The following ASPH variants were observed in gnomAD, a reference collection of about 807,000 sequenced individuals.
The protein encoded by ASPH is aspartate beta-hydroxylase.
In ASPH, 100 loss-of-function variants were observed where a neutral mutation model predicts 118.4. That is an observed-to-expected ratio of 0.84 (90% CI 0.72 to 1.00). The LOEUF is 1.00. Ranked by LOEUF, ASPH falls within the 50% of genes least tolerant of loss-of-function variation. The pLI, the probability that ASPH is intolerant of heterozygous loss-of-function variation, is 0.00. For synonymous variants in ASPH, 315 were observed against 325.6 expected (o/e 0.97, Z 0.35); for missense variants, 920 against 919.5 (o/e 1.00, Z -0.01).
At chr8:61,660,223 C>T (rs1816102683) in intron 3 of ASPH, 1 of 152,060 alleles carries the variant, frequency 6.6e-6, no homozygotes, top group South Asian at 2.1e-4. Flanking sequence ...ATGTTTAGCT[C>T]CACAGCTTCT....
At chr8:61,525,779 T>C (rs1159422428) in intron 22 of ASPH, among the ~76,000 whole-genome samples, 198 bp downstream of exon 22, 1 of 152,202 alleles carries the variant, frequency 6.6e-6, no homozygotes, top group East Asian at 1.9e-4. Context: ...CACAGCAATA[T>C]ACCTGGACAC....
Position 61,502,530 on chromosome 8 carries a change from T to C in ASPH, c.*829A>G, listed in dbSNP as rs1805116336. The C allele has an allele frequency of 6.6e-6, 1 of 152,322 alleles. No individual in the cohort carries two copies. Among genetic ancestry groups the C allele is most frequent in the Non-Finnish European group, 1.5e-5 (1 of 68,034 alleles). 9.4% of individuals were successfully genotyped at this position (152,322 alleles called of 1,614,324 possible). A position where few individuals can be genotyped will look rare whatever the true frequency, so the allele number is the denominator to read the frequency against. ...AGAACATAGTTTTATTTCCGTGAACTATACTTTTTCCCCAGAAGCTCTAAT... is the reference window on the plus strand; with the variant it reads ...AGAACATAGTTTTATTTCCGTGAACCATACTTTTTCCCCAGAAGCTCTAAT... On this transcript the variant is annotated 3_prime_UTR_variant, in exon 25 of 25. Coordinates refer to ENST00000379454, the MANE Select transcript of ASPH (RefSeq NM_004318.4).
chr8:61,524,138 C>A (rs571248594), intron 22 of ASPH, among the ~76,000 whole-genome samples: 2 of 152,304 alleles, frequency 1.3e-5, no homozygotes, highest in East Asian at 1.9e-4. Context: ...CTCAATCACA[C>A]ACAGGCACAT....
intron 4 of ASPH, among the ~76,000 whole-genome samples, chr8:61,652,949 C>G (rs1327941921): frequency 6.6e-6 from 1 of 152,182 alleles, no homozygotes; most frequent in African/African-American, 2.4e-5. Flanking sequence ...TAGTGTCATT[C>G]CTTAAACTTT....
At chr8:61,556,336 T>A (rs1444059640) in intron 18 of ASPH, among the ~76,000 whole-genome samples, 1 of 152,238 alleles carries the variant, frequency 6.6e-6, no homozygotes, top group Non-Finnish European at 1.5e-5. Flanking sequence ...TATCTCTCAA[T>A]TGATATGACT....
At position 61,562,873 on chromosome 8, in the gene ASPH, C is replaced by A; in HGVS notation, c.1308G>T (p.Met436Ile). 6.3e-7 allele frequency: 1 copy of A among 1,595,594 alleles called. No homozygotes were observed. Among genetic ancestry groups the A allele is most frequent in the South Asian group, 1.1e-5 (1 of 87,024 alleles). The change falls in exon 18 of 25, where the codon ATG becomes ATT. Residue 436 changes from methionine (M) to isoleucine (I), a missense_variant. By Grantham distance (10) the Met-to-Ile change is conservative. Transcript: ENST00000379454. ...TCTGCAGGGTAAGCAGGGAACCTCT[C>A]ATATGACCTGAGTAGGTGGGAATTT... ...RSDRQQFLGH[M>I]RGSLLTLQRL...
At chr8:61,588,689 C>A (rs1840193690) in intron 14 of ASPH, among the ~76,000 whole-genome samples, 1 of 152,118 alleles carries the variant, frequency 6.6e-6, no homozygotes. Context: ...GAAAATACAC[C>A]CATAGATCCC....
chr8:61,620,967 G>A (rs563266241), intron 13 of ASPH, among the ~76,000 whole-genome samples: 8 of 152,334 alleles, frequency 5.3e-5, no homozygotes, highest in East Asian at 1.9e-4. Flanking sequence ...TGCTGATCCC[G>A]ATGTGGGAGG....
chr8:61,580,739 T>C (rs1313569603), intron 15 of ASPH, among the ~76,000 whole-genome samples: 2 of 152,240 alleles, frequency 1.3e-5, no homozygotes, highest in African/African-American at 4.8e-5. Flanking sequence ...CTGTATGTGC[T>C]ACTTTTTATT....
chr8:61,700,597 A>G (rs1835006880), intron 1 of ASPH, among the ~76,000 whole-genome samples: 1 of 152,086 alleles, frequency 6.6e-6, no homozygotes, highest in South Asian at 2.1e-4. Flanking sequence ...GTGCTTCCAT[A>G]TGTCGGGCTC....
intron 3 of ASPH, among the ~76,000 whole-genome samples, chr8:61,666,252 G>A (rs1260074782): frequency 2.0e-5 from 3 of 152,104 alleles, no homozygotes; most frequent in Non-Finnish European, 4.4e-5. Context: ...GTTAATTCAT[G>A]TAGAGCAACT....
chr8:61,705,757 C>A (rs1397058261), intron 1 of ASPH, among the ~76,000 whole-genome samples: 1 of 151,900 alleles, frequency 6.6e-6, no homozygotes. Context: ...CAATTCACTA[C>A]GTGAAAATTT....
At chr8:61,503,611 T>G (rs957750513) in intron 24 of ASPH, 102 bp from the exon 25 acceptor site, 1 of 1,176,218 alleles carries the variant, frequency 8.5e-7, no homozygotes, top group Admixed American at 2.8e-5. Flanking sequence ...GGTAACAACC[T>G]TTGGGACATA....
intron 13 of ASPH, among the ~76,000 whole-genome samples, chr8:61,622,954 C>T (rs1049195773): frequency 2.0e-5 from 3 of 152,066 alleles, no homozygotes; most frequent in African/African-American, 7.2e-5. Context: ...TGTTCTAGAA[C>T]CCCAGGGGCT....
chr8:61,624,545 T>G (rs1165864566), intron 13 of ASPH: 1 of 969,890 alleles, frequency 1.0e-6, no homozygotes, highest in Non-Finnish European at 1.2e-6. Context: ...TAGAGAATTC[T>G]TCTGTATTTT....
intron 22 of ASPH, among the ~76,000 whole-genome samples, chr8:61,523,523 G>T (rs1031362369): frequency 6.6e-6 from 1 of 151,726 alleles, no homozygotes; most frequent in African/African-American, 2.4e-5. Flanking sequence ...CACCGTGTTG[G>T]TCAAGCTTGT....
At chr8:61,616,405 T>C (rs573659614) in intron 14 of ASPH, among the ~76,000 whole-genome samples, 19 of 152,280 alleles carry the variant, frequency 1.2e-4, no homozygotes, top group African/African-American at 4.6e-4. Context: ...TTTGCAAGTG[T>C]TTCTGTTTAT....
chr8:61,539,211 A>C (rs758394015), intron 21 of ASPH, among the ~76,000 whole-genome samples: 31 of 152,320 alleles, frequency 2.0e-4, no homozygotes, highest in Admixed American at 6.5e-4. Flanking sequence ...ACTGCACCCC[A>C]GACTGGGCGA....
intron 14 of ASPH, among the ~76,000 whole-genome samples, chr8:61,600,162 T>C (rs757212724): frequency 1.3e-5 from 2 of 152,154 alleles, no homozygotes; most frequent in East Asian, 1.9e-4. Flanking sequence ...ATCTCAATAG[T>C]TGCAGAAAAC....
Sources: gnomAD v4.1 joint callset for allele counts (sites outside exome capture counted in the v4.1 genomes callset) on GRCh38, gnomAD v4.1.1 for gene constraint, MANE v1.5 for transcripts, NCBI Gene and HGNC (gene_info 2026-07-23, HGNC 2026-07-21) for gene names.